Variants in SLC38A1 observed in about 807,000 individuals in gnomAD.
SLC38A1 encodes the protein sodium-coupled neutral amino acid symporter 1.
A neutral mutation model predicts 60.3 loss-of-function variants in SLC38A1; 18 were observed. The observed-to-expected ratio is 0.30, with a 90% CI of 0.21 to 0.44. The LOEUF is 0.44. Ranked by LOEUF, SLC38A1 falls within the 20% of genes least tolerant of loss-of-function variation. The probability of loss-of-function intolerance (pLI) is 1.00; values close to 1 mark genes in which losing one functional copy is unlikely to be tolerated. For missense variants in SLC38A1, 448 were observed against 587.2 expected, an observed-to-expected ratio of 0.76 and a Z score of 2.45; for synonymous variants, 196 against 212.1, an observed-to-expected ratio of 0.92 and a Z score of 0.66.
chr12:46,207,455 T>C, intron 7 of SLC38A1, 74 bp downstream of exon 7: 1 of 1,397,038 alleles, frequency 7.2e-7, no homozygotes, highest in Non-Finnish European at 1.0e-6. Context: ...GCTTGAATTA[T>C]GTTAAAATTC....
chr12:46,189,011 A>G lies in SLC38A1; in HGVS notation c.1423T>C (p.Tyr475His). Residue 475 changes from tyrosine (Y) to histidine (H), a missense_variant, in exon 17 of 17, where the codon TAT becomes CAT. Coordinates refer to ENST00000398637, the MANE Select transcript of SLC38A1 (RefSeq NM_030674.4). Reference protein sequence around the residue: ...FSLVSIPLVIYDWACSSSSDE... With the variant: ...FSLVSIPLVIHDWACSSSSDE... ...CTACTCGATGAGCAGGCCCAGTCAT[A>G]GATGACCAAGGGAATGCTGACCAAG... 6.2e-7 allele frequency: 1 copy of G among 1,613,778 alleles called. No individual in the cohort carries two copies. The highest frequency in any genetic ancestry group is 8.5e-7 in the Non-Finnish European group (1 of 1,179,816).
chr12:46,256,758 C>T (rs1942044971), intron 1 of SLC38A1, among the ~76,000 whole-genome samples: 1 of 152,162 alleles, frequency 6.6e-6, no homozygotes, highest in Non-Finnish European at 1.5e-5. Context: ...CATCACAGCC[C>T]TGGGGGCCAA....
intron 5 of SLC38A1, among the ~76,000 whole-genome samples, chr12:46,211,095 A>T (rs1940148309): frequency 1.3e-5 from 2 of 152,224 alleles, no homozygotes. Flanking sequence ...AGCAATATTT[A>T]TGTCAAAGAA....
intron 6 of SLC38A1, 110 bp downstream of exon 6, chr12:46,208,944 T>C: frequency 3.8e-6 from 3 of 779,834 alleles, no homozygotes; most frequent in Non-Finnish European, 6.4e-6. Flanking sequence ...AAAATAGTCT[T>C]TCTTTTTAAT....
At chr12:46,254,024 T>C (rs540472969) in intron 1 of SLC38A1, among the ~76,000 whole-genome samples, 63 of 152,332 alleles carry the variant, frequency 4.1e-4, no homozygotes, top group African/African-American at 1.3e-3. Flanking sequence ...AGCTTATCCT[T>C]ATGCCTATAC....
At chr12:46,217,773 T>TA (rs1940479675) in intron 5 of SLC38A1, among the ~76,000 whole-genome samples, 2 of 152,218 alleles carry the variant, frequency 1.3e-5, no homozygotes, top group African/African-American at 4.8e-5. Flanking sequence ...TGTGATCATG[T>TA]ATAATGCTTA....
chr12:46,242,390 A>G lies in SLC38A1; in HGVS notation c.-94+810T>C, dbSNP rs76312112. On this transcript the variant is annotated intron_variant, in intron 2 of 16. Transcript: ENST00000398637. ...AGTGATGAAGGGATTGAAAAAGCTT[A>G]AAAAATGTTAAATGCAGGGATCTCA... Among the ~76,000 whole-genome samples the G allele has an allele frequency of 6.6e-5, 10 of 152,308 alleles. No homozygotes were observed. The East Asian group carries it at 1.7e-3, about 26-fold the overall frequency.
rs1016514174 is a variant in SLC38A1, at chr12:46,186,773, C to T, written c.*2197G>A. On this transcript the variant is annotated 3_prime_UTR_variant, in exon 17 of 17. Coordinates refer to ENST00000398637, the MANE Select transcript of SLC38A1 (RefSeq NM_030674.4). ...AGGCCCAAAAATATCACTACACATC[C>T]CAGTTAATGATAAGGTTCTAAATTG... 1 of 152,048 alleles carries T rather than the reference C, an allele frequency of 6.6e-6. No individual in the cohort carries two copies. The highest frequency in any genetic ancestry group is 1.5e-5 in the Non-Finnish European group (1 of 68,006). 9.4% of individuals were successfully genotyped at this position (152,048 alleles called of 1,614,324 possible).
intron 6 of SLC38A1, 114 bp downstream of exon 6, chr12:46,208,940 G>A: frequency 1.3e-6 from 1 of 747,638 alleles, no homozygotes; most frequent in East Asian, 2.8e-5. Context: ...GGTCAAAATA[G>A]TCTTTCTTTT....
rs115913135 is a variant in SLC38A1, at chr12:46,230,757, A to C, written c.123-1118T>G. The stretch of plus-strand genomic sequence containing the variant: ...TATAGCCTAAATTTCTAATTTAAAA[A>C]AATTATCCAACAAATGATTTTGTCA... On this transcript the variant is annotated intron_variant, in intron 3 of 16. Coordinates refer to ENST00000398637, the MANE Select transcript of SLC38A1 (RefSeq NM_030674.4). Among the ~76,000 whole-genome samples the C allele has an allele frequency of 2.8e-3, 427 of 152,382 alleles. 2 individuals carry two copies. The highest frequency in any genetic ancestry group is 9.7e-3 in the African/African-American group (405 of 41,596).
At chr12:46,256,824 G>A (rs2138868088) in intron 1 of SLC38A1, among the ~76,000 whole-genome samples, 1 of 152,308 alleles carries the variant, frequency 6.6e-6, no homozygotes, top group Middle Eastern at 3.4e-3. Context: ...AAATATGTGT[G>A]ACAAAACATA....
chr12:46,259,987 A>C (rs958613077), intron 1 of SLC38A1, among the ~76,000 whole-genome samples: 1 of 152,196 alleles, frequency 6.6e-6, no homozygotes, highest in Admixed American at 6.5e-5. Flanking sequence ...TAGCCCCAGG[A>C]AAGAAGGTTA....
chr12:46,242,175 T>C (rs1565786704), intron 2 of SLC38A1, among the ~76,000 whole-genome samples: 1 of 152,130 alleles, frequency 6.6e-6, no homozygotes, highest in Non-Finnish European at 1.5e-5. Flanking sequence ...ATTATGCAAA[T>C]ACTAGTACAA....
At chr12:46,254,180 C>A (rs1243642632) in intron 1 of SLC38A1, among the ~76,000 whole-genome samples, 1 of 152,128 alleles carries the variant, frequency 6.6e-6, no homozygotes, top group African/African-American at 2.4e-5. Context: ...TCCAATATGT[C>A]CAGAATTGGA....
intron 3 of SLC38A1, among the ~76,000 whole-genome samples, chr12:46,230,672 A>T (rs1374363398): frequency 6.6e-6 from 1 of 152,252 alleles, no homozygotes; most frequent in East Asian, 1.9e-4. Context: ...TACAGAAGTA[A>T]GAATTTAAAA....
At chr12:46,210,801 C>T (rs2137310196) in intron 5 of SLC38A1, among the ~76,000 whole-genome samples, 2 of 152,262 alleles carry the variant, frequency 1.3e-5, no homozygotes, top group Admixed American at 1.3e-4. Context: ...GTGAGGCCTC[C>T]CCAGCCACGT....
chr12:46,259,885 T>C (rs1375725495), intron 1 of SLC38A1, among the ~76,000 whole-genome samples: 2 of 152,172 alleles, frequency 1.3e-5, no homozygotes, highest in African/African-American at 2.4e-5. Context: ...CTCTCTTTAC[T>C]GCTAGCAGTC....
At chr12:46,226,176 A>T (rs1940856008) in intron 5 of SLC38A1, among the ~76,000 whole-genome samples, 1 of 152,190 alleles carries the variant, frequency 6.6e-6, no homozygotes, top group Non-Finnish European at 1.5e-5. Context: ...ATAATAAAAT[A>T]GCTGAGATTT....
At chr12:46,215,140 C>T (rs1034036444) in intron 5 of SLC38A1, among the ~76,000 whole-genome samples, 3 of 152,170 alleles carry the variant, frequency 2.0e-5, no homozygotes, top group Non-Finnish European at 4.4e-5. Flanking sequence ...AACTGAAAGC[C>T]CTAAGCTCTG....
Sources: gnomAD v4.1 joint callset for allele counts (sites outside exome capture counted in the v4.1 genomes callset) on GRCh38, gnomAD v4.1.1 for gene constraint, MANE v1.5 for transcripts, NCBI Gene and HGNC (gene_info 2026-07-23, HGNC 2026-07-21) for gene names.